PLXDC2: variants seen among roughly 807,000 people sequenced by gnomAD.
The protein encoded by PLXDC2 is plexin domain containing 2.
In PLXDC2, 40 loss-of-function variants were observed where a neutral mutation model predicts 68.9. That is an observed-to-expected ratio of 0.58 (90% CI 0.45 to 0.76). The LOEUF (loss-of-function observed/expected upper bound fraction) is 0.76, where lower values mean the gene tolerates loss of function less well. Among genes scored for constraint, PLXDC2 ranks in the 30% least tolerant of loss-of-function variants. PLXDC2 has a pLI of 0.00. For synonymous variants in PLXDC2, 243 were observed against 234.2 expected, an observed-to-expected ratio of 1.04 and a Z score of -0.34; for missense variants, 644 against 661.9, an observed-to-expected ratio of 0.97 and a Z score of 0.30.
chr10:20,235,824 T>C lies in PLXDC2; in HGVS notation c.1313-9521T>C, dbSNP rs561199159. ...TATAAATGATCTGTTTGAACATAAG[T>C]GACTATTCTGAAATTGATAGAATAA... On this transcript the variant is annotated intron_variant, in intron 12 of 13. Transcript: ENST00000377252. 3.9e-5 allele frequency among the ~76,000 whole-genome samples: 6 copies of C among 152,336 alleles called. No homozygotes were observed. In the South Asian group the frequency reaches 6.2e-4, roughly 16 times the overall value.
chr10:20,238,745 G>GTA (rs145188058), intron 12 of PLXDC2, among the ~76,000 whole-genome samples: 4,658 of 128,650 alleles, frequency 0.036, 271 homozygotes, highest in African/African-American at 0.12. Context: ...ATATATGTGT[G>GTA]TATATATATA....
intron 4 of PLXDC2, among the ~76,000 whole-genome samples, chr10:20,095,806 G>A (rs1327238130): frequency 6.6e-6 from 1 of 152,052 alleles, no homozygotes; most frequent in Non-Finnish European, 1.5e-5. Flanking sequence ...GAAGGATGAT[G>A]CTTAAAGAAG....
At position 19,890,526 on chromosome 10, in the gene PLXDC2, T is replaced by A. The variant is rs181380705; in HGVS notation, c.112+73335T>A. On this transcript the variant is annotated intron_variant, in intron 1 of 13. Coordinates refer to ENST00000377252, the MANE Select transcript of PLXDC2 (RefSeq NM_032812.9). ...ATTTGGTTTTCTGAGAACTGCTTTT[T>A]TTTTTCTGAGACGGGGTTTTTTTTT... Among the ~76,000 whole-genome samples the A allele has an allele frequency of 4.1e-5, 6 of 146,382 alleles. No homozygotes were observed. The East Asian group carries it at 1.3e-3, about 31-fold the overall frequency.
chr10:19,868,756 C>G (rs967441655), intron 1 of PLXDC2, among the ~76,000 whole-genome samples: 5 of 152,150 alleles, frequency 3.3e-5, no homozygotes, highest in African/African-American at 4.8e-5. Context: ...TTTACTCTAT[C>G]AGCATATACT....
At chr10:19,980,996 CTT>C (rs1834541784) in intron 1 of PLXDC2, among the ~76,000 whole-genome samples, 1 of 152,192 alleles carries the variant, frequency 6.6e-6, no homozygotes, top group Non-Finnish European at 1.5e-5. Context: ...AGTTTTACCT[CTT>C]TATTTCAATA....
intron 2 of PLXDC2, among the ~76,000 whole-genome samples, chr10:20,028,820 C>T (rs981417193): frequency 6.6e-6 from 1 of 152,202 alleles, no homozygotes; most frequent in Non-Finnish European, 1.5e-5. Flanking sequence ...TGTACCTTCT[C>T]TGTTCCACCC....
At chr10:19,962,383 A>ATTT (rs1491427806) in intron 1 of PLXDC2, among the ~76,000 whole-genome samples, 2 of 11,250 alleles carry the variant, frequency 1.8e-4, no homozygotes, top group African/African-American at 3.2e-4. Context: ...ACCCATCTTT[A>ATTT]CTTTTTTTTT....
At chr10:20,191,406 A>G (rs1371362464) in intron 9 of PLXDC2, among the ~76,000 whole-genome samples, 2 of 151,718 alleles carry the variant, frequency 1.3e-5, no homozygotes, top group African/African-American at 2.4e-5. Context: ...GGCTGCAACA[A>G]TTTCTAATGA....
chr10:20,194,979 A>G (rs1391104389), intron 9 of PLXDC2, among the ~76,000 whole-genome samples: 1 of 151,978 alleles, frequency 6.6e-6, no homozygotes, highest in Non-Finnish European at 1.5e-5. Flanking sequence ...TCATATTTTA[A>G]GTGGGCTCAT....
At chr10:20,006,245 G>A (rs1383873268) in intron 2 of PLXDC2, among the ~76,000 whole-genome samples, 2 of 151,984 alleles carry the variant, frequency 1.3e-5, no homozygotes, top group Non-Finnish European at 2.9e-5. Context: ...AAATAGTTTT[G>A]CCCCATTGTT....
chr10:19,819,255 T>A (rs1836416962), intron 1 of PLXDC2, among the ~76,000 whole-genome samples: 1 of 152,256 alleles, frequency 6.6e-6, no homozygotes. Flanking sequence ...GAAACCCATA[T>A]ATTGATAGGA....
chr10:20,003,014 C>T (rs12781799), intron 2 of PLXDC2, among the ~76,000 whole-genome samples: 35,014 of 151,900 alleles, frequency 0.23, 4,814 homozygotes, highest in Non-Finnish European at 0.33. Context: ...AGCTATGAAG[C>T]GGAGGGAGGA....
At chr10:19,839,154 C>G (rs1386232671) in intron 1 of PLXDC2, among the ~76,000 whole-genome samples, 1 of 150,414 alleles carries the variant, frequency 6.6e-6, no homozygotes, top group Admixed American at 6.6e-5. Context: ...CCATTGCACT[C>G]CAGCCTGAGA....
chr10:20,187,011 C>T (rs980257876), intron 9 of PLXDC2, among the ~76,000 whole-genome samples: 8 of 151,688 alleles, frequency 5.3e-5, no homozygotes, highest in East Asian at 2.0e-4. Context: ...ACTCAGCTGC[C>T]GGGTACCTGA....
intron 2 of PLXDC2, among the ~76,000 whole-genome samples, chr10:20,043,649 T>C (rs1342904632): frequency 6.6e-6 from 1 of 152,142 alleles, no homozygotes; most frequent in Non-Finnish European, 1.5e-5. Context: ...ATCTGTTATG[T>C]AATTCACCTA....
intron 9 of PLXDC2, among the ~76,000 whole-genome samples, chr10:20,202,778 A>C (rs1834938611): frequency 6.6e-6 from 1 of 152,196 alleles, no homozygotes; most frequent in African/African-American, 2.4e-5. Context: ...TAGTATTTTA[A>C]GAAATTTTTA....
intron 1 of PLXDC2, among the ~76,000 whole-genome samples, chr10:19,907,958 ATCTC>A (rs1479134348): frequency 6.6e-6 from 1 of 152,194 alleles, no homozygotes; most frequent in South Asian, 2.1e-4. Context: ...CAGCTACTGA[ATCTC>A]ATGCTTCAAA....
chr10:20,146,514 T>TCCTTCCTTCCTC (rs1834082740), intron 5 of PLXDC2, among the ~76,000 whole-genome samples: 1 of 119,604 alleles, frequency 8.4e-6, no homozygotes, highest in Non-Finnish European at 1.7e-5. Context: ...CTTCCTTCCT[T>TCCTTCCTTCCTC]CCTTCCTCCC....
intron 4 of PLXDC2, among the ~76,000 whole-genome samples, chr10:20,142,982 T>A (rs963835160): frequency 6.6e-6 from 1 of 152,062 alleles, no homozygotes; most frequent in African/African-American, 2.4e-5. Context: ...AATATTTGAA[T>A]TACTTATAAT....
Sources: allele counts gnomAD v4.1 joint callset (sites outside exome capture counted in the v4.1 genomes callset), GRCh38; gene constraint gnomAD v4.1.1; transcripts MANE v1.5; gene names NCBI Gene and HGNC (gene_info 2026-07-23, HGNC 2026-07-21).